HIBADH: variants seen among roughly 807,000 people sequenced by gnomAD.
The protein encoded by HIBADH is 3-hydroxyisobutyrate dehydrogenase, mitochondrial.
A neutral mutation model predicts 36.1 loss-of-function variants in HIBADH; 25 were observed. That is an observed-to-expected ratio of 0.69 (90% CI 0.50 to 0.97). The LOEUF is 0.97. Ranked by LOEUF, HIBADH falls within the 50% of genes least tolerant of loss-of-function variation. The probability of loss-of-function intolerance (pLI) is 0.00; values close to 1 mark genes in which losing one functional copy is unlikely to be tolerated. For missense variants in HIBADH, 421 were observed against 418.0 expected, an observed-to-expected ratio of 1.01 and a Z score of -0.06; for synonymous variants, 160 against 149.5, an observed-to-expected ratio of 1.07 and a Z score of -0.51.
At chr7:27,659,617 G>A (rs954759415) in intron 1 of HIBADH, among the ~76,000 whole-genome samples, 22 of 152,094 alleles carry the variant, frequency 1.4e-4, no homozygotes, top group African/African-American at 4.6e-4. Flanking sequence ...AGCTACTTGG[G>A]AGGCTGAGGC....
At chr7:27,556,398 T>C (rs1784389173) in intron 4 of HIBADH, among the ~76,000 whole-genome samples, 1 of 152,234 alleles carries the variant, frequency 6.6e-6, no homozygotes, top group African/African-American at 2.4e-5. Flanking sequence ...CTTTTAACTT[T>C]TCTTTTTGTC....
At chr7:27,594,152 G>T (rs1229606) in intron 4 of HIBADH, among the ~76,000 whole-genome samples, 137,489 of 144,774 alleles carry the variant, frequency 0.95, 65,303 homozygotes, top group East Asian at 1. Context: ...TTGTTTTTTT[G>T]TTTTTTTTCT....
chr7:27,578,821 C>T lies in HIBADH; in HGVS notation c.485-35721G>A, dbSNP rs1272336871. Among the ~76,000 whole-genome samples the T allele has an allele frequency of 3.3e-5, 5 of 152,292 alleles. 1 individual carries two copies. Among genetic ancestry groups the T allele is most frequent in the Middle Eastern group, 6.8e-3 (2 of 294 alleles). On this transcript the variant is annotated intron_variant, in intron 4 of 7. Transcript: ENST00000265395. Reference sequence around the variant, plus strand: ...GGACTCTAAGAAAAGCAGGTGCAAGCAGGCAGAACAAGTCAAGATTCTCTA... The same window carrying T: ...GGACTCTAAGAAAAGCAGGTGCAAGTAGGCAGAACAAGTCAAGATTCTCTA...
At chr7:27,645,108 T>C (rs1304122776) in intron 2 of HIBADH, among the ~76,000 whole-genome samples, 2 of 152,314 alleles carry the variant, frequency 1.3e-5, no homozygotes, top group Non-Finnish European at 2.9e-5. Flanking sequence ...TGATGAATAA[T>C]GTTGCTAAAT....
At chr7:27,613,665 G>GTTTT (rs66518612) in intron 4 of HIBADH, among the ~76,000 whole-genome samples, 1,329 of 107,010 alleles carry the variant, frequency 0.012, 23 homozygotes, top group African/African-American at 0.034. Context: ...GGTTTTTTTT[G>GTTTT]TTTTTTTTTT....
intron 4 of HIBADH, among the ~76,000 whole-genome samples, chr7:27,562,005 G>T (rs552197217): frequency 6.6e-6 from 1 of 152,078 alleles, no homozygotes; most frequent in East Asian, 1.9e-4. Context: ...TATGTTTTAG[G>T]GGTGTGTGTC....
intron 2 of HIBADH, among the ~76,000 whole-genome samples, chr7:27,638,660 C>T (rs1583613382): frequency 6.6e-6 from 1 of 152,062 alleles, no homozygotes; most frequent in South Asian, 2.1e-4. Flanking sequence ...AAACAGACAA[C>T]CTACCTAATG....
chr7:27,654,588 T>C (rs986874045), intron 1 of HIBADH, among the ~76,000 whole-genome samples: 3 of 152,112 alleles, frequency 2.0e-5, no homozygotes, highest in Admixed American at 1.3e-4. Context: ...AAAAAACAAC[T>C]ATCAAGCTAG....
chr7:27,578,402 G>A (rs1304039437), intron 4 of HIBADH, among the ~76,000 whole-genome samples: 2 of 151,410 alleles, frequency 1.3e-5, no homozygotes, highest in African/African-American at 2.4e-5. Flanking sequence ...TGCAACCTCC[G>A]CCTCCCAGGT....
intron 4 of HIBADH, among the ~76,000 whole-genome samples, chr7:27,565,488 G>A (rs1448127792): frequency 1.3e-5 from 2 of 152,142 alleles, no homozygotes; most frequent in African/African-American, 2.4e-5. Context: ...TGCTAGTATA[G>A]AGAAATATGA....
rs74767839 is a variant in HIBADH, at chr7:27,587,442, C to CA, written c.484+41928dup. Among the ~76,000 whole-genome samples the CA allele has an allele frequency of 5.6e-3, 832 of 148,558 alleles. 12 individuals are homozygous for CA. The highest frequency in any genetic ancestry group is 0.018 in the African/African-American group (723 of 40,434). ...ATCTGGTATAACAAGTTATATTGGA[C>CA]AAAAAAAAATGAATTATTAGGAGAA... On this transcript the variant is annotated intron_variant, in intron 4 of 7. Transcript: ENST00000265395.
At chr7:27,589,749 G>A (rs544102753) in intron 4 of HIBADH, among the ~76,000 whole-genome samples, 2 of 152,306 alleles carry the variant, frequency 1.3e-5, no homozygotes, top group South Asian at 4.1e-4. Context: ...TATATAAAAT[G>A]AAGAGAGTTA....
At chr7:27,649,259 C>G (rs1786132436) in intron 2 of HIBADH, 2 of 393,596 alleles carry the variant, frequency 5.1e-6, no homozygotes, top group Admixed American at 4.4e-5. Flanking sequence ...TGTTCCAAGT[C>G]ACCTGCCAAA....
chr7:27,526,309 C>T lies in HIBADH; in HGVS notation c.916G>A (p.Ala306Thr), dbSNP rs757064892. The T allele has an allele frequency of 8.7e-6, 14 of 1,613,502 alleles. 2 individuals are homozygous for T. Among genetic ancestry groups the T allele is most frequent in the Middle Eastern group, 3.3e-4 (2 of 6,058 alleles). Reference sequence around the variant, plus strand: ...CACATCATCCTGTAGATCTGATGGGCCAGACTGCCAAGAAGGATTGGGCTC... The same window carrying T: ...CACATCATCCTGTAGATCTGATGGGTCAGACTGCCAAGAAGGATTGGGCTC... ...TKSPILLGSL[A>T]HQIYRMMCAK... The change falls in exon 8 of 8, where the codon GCC becomes ACC. Residue 306 changes from alanine to threonine, a missense_variant. Coordinates refer to ENST00000265395, the MANE Select transcript of HIBADH (RefSeq NM_152740.4).
chr7:27,542,731 C>T (rs566980230), intron 5 of HIBADH, among the ~76,000 whole-genome samples: 1 of 152,172 alleles, frequency 6.6e-6, no homozygotes, highest in South Asian at 2.1e-4. Flanking sequence ...GGATTACAGG[C>T]ATGAGCCATC....
intron 4 of HIBADH, among the ~76,000 whole-genome samples, chr7:27,602,919 C>T (rs1338847403): frequency 2.0e-5 from 3 of 152,042 alleles, no homozygotes; most frequent in African/African-American, 7.2e-5. Flanking sequence ...ATCCCAGCAC[C>T]CACCCATTCC....
intron 1 of HIBADH, among the ~76,000 whole-genome samples, chr7:27,656,590 C>T (rs547104523): frequency 1.3e-5 from 2 of 152,146 alleles, no homozygotes; most frequent in East Asian, 3.9e-4. Context: ...GATACATATG[C>T]ATTAATTTTT....
At chr7:27,634,614 T>C (rs1191718787) in intron 2 of HIBADH, among the ~76,000 whole-genome samples, 2 of 152,254 alleles carry the variant, frequency 1.3e-5, no homozygotes, top group African/African-American at 2.4e-5. Flanking sequence ...TTTCCTTCTA[T>C]TGCAGCTCCA....
intron 4 of HIBADH, among the ~76,000 whole-genome samples, chr7:27,624,603 C>T (rs1414987844): frequency 6.6e-6 from 1 of 152,182 alleles, no homozygotes; most frequent in Non-Finnish European, 1.5e-5. Context: ...GCTGCTTAGC[C>T]CTAAGGTCAC....
Sources: gnomAD v4.1 joint callset for allele counts (sites outside exome capture counted in the v4.1 genomes callset) on GRCh38, gnomAD v4.1.1 for gene constraint, MANE v1.5 for transcripts, NCBI Gene and HGNC (gene_info 2026-07-23, HGNC 2026-07-21) for gene names.